GNAQ: variants seen among roughly 807,000 people sequenced by gnomAD.
GNAQ encodes guanine nucleotide-binding protein G(q) subunit alpha.
In GNAQ, 8 loss-of-function variants were observed where a neutral mutation model predicts 43.9. The observed-to-expected ratio is 0.18, with a 90% CI of 0.11 to 0.33. GNAQ has a LOEUF of 0.33. Among genes scored for constraint, GNAQ ranks in the 10% least tolerant of loss-of-function variants. GNAQ has a pLI of 1.00. For missense variants in GNAQ, 158 were observed against 450.8 expected (o/e 0.35, Z 5.88); for synonymous variants, 155 against 170.7 (o/e 0.91, Z 0.71).
chr9:77,761,312 G>A (rs1194312460), intron 5 of GNAQ, among the ~76,000 whole-genome samples: 4 of 133,180 alleles, frequency 3.0e-5, no homozygotes, highest in East Asian at 2.5e-4. Flanking sequence ...CGCCCCATCC[G>A]GGAGGGAGGT....
At chr9:77,763,121 A>T (rs1329984906) in intron 5 of GNAQ, among the ~76,000 whole-genome samples, 1 of 122,674 alleles carries the variant, frequency 8.2e-6, no homozygotes, top group African/African-American at 3.1e-5. Flanking sequence ...AAAAAACAAA[A>T]AAATAAACAA....
intron 2 of GNAQ, among the ~76,000 whole-genome samples, chr9:77,881,363 A>G (rs1215846204): frequency 6.6e-6 from 1 of 152,032 alleles, no homozygotes; most frequent in East Asian, 1.9e-4. Context: ...GAATAAATGA[A>G]AAGTGTCCCA....
chr9:77,862,385 T>C (rs1827868956), intron 2 of GNAQ, among the ~76,000 whole-genome samples: 1 of 152,160 alleles, frequency 6.6e-6, no homozygotes. Flanking sequence ...TCCTCTGAAA[T>C]CTAGGTGGAG....
At chr9:77,880,891 A>G (rs1288991906) in intron 2 of GNAQ, among the ~76,000 whole-genome samples, 1 of 152,148 alleles carries the variant, frequency 6.6e-6, no homozygotes, top group Non-Finnish European at 1.5e-5. Flanking sequence ...ACAGTGCTTT[A>G]GAGGACCACG....
chr9:78,014,717 C>T (rs1168800867), intron 1 of GNAQ, among the ~76,000 whole-genome samples: 4 of 152,084 alleles, frequency 2.6e-5, no homozygotes, highest in Admixed American at 6.6e-5. Flanking sequence ...AATAACGATG[C>T]TGAGTTCAAG....
At chr9:77,863,683 T>TA (rs34359030) in intron 2 of GNAQ, among the ~76,000 whole-genome samples, 104 of 151,688 alleles carry the variant, frequency 6.9e-4, no homozygotes, top group Middle Eastern at 3.4e-3. Flanking sequence ...TGGCCATTTA[T>TA]AAAAAAAAAG....
At chr9:77,878,844 G>A (rs1368967752) in intron 2 of GNAQ, among the ~76,000 whole-genome samples, 2 of 152,010 alleles carry the variant, frequency 1.3e-5, no homozygotes, top group African/African-American at 4.8e-5. Flanking sequence ...TCAGGAGTTC[G>A]AGACCAGCCT....
chr9:77,742,871 G>A (rs1296633695), intron 5 of GNAQ, among the ~76,000 whole-genome samples: 1 of 152,194 alleles, frequency 6.6e-6, no homozygotes, highest in Non-Finnish European at 1.5e-5. Flanking sequence ...AAATGCCAGT[G>A]ATTCTGTTGG....
intron 5 of GNAQ, among the ~76,000 whole-genome samples, chr9:77,740,170 G>A (rs1225647322): frequency 6.6e-6 from 1 of 152,198 alleles, no homozygotes. Context: ...TGATTCTTTG[G>A]CCAACATGAT....
chr9:77,996,361 G>C (rs2118536859), intron 1 of GNAQ, among the ~76,000 whole-genome samples: 1 of 152,326 alleles, frequency 6.6e-6, no homozygotes. Flanking sequence ...TAGTGTTACT[G>C]AAGTCATTTA....
At chr9:77,970,228 A>C (rs148813607) in intron 1 of GNAQ, among the ~76,000 whole-genome samples, 3,893 of 151,746 alleles carry the variant, frequency 0.026, 69 homozygotes, top group Middle Eastern at 0.062. Context: ...TCCACAAAAA[A>C]AAAAAAACAA....
chr9:77,947,553 C>G (rs1564160075), intron 1 of GNAQ, among the ~76,000 whole-genome samples: 1 of 152,208 alleles, frequency 6.6e-6, no homozygotes, highest in Non-Finnish European at 1.5e-5. Context: ...AAGCACTCAA[C>G]TGGTGTTCAA....
At chr9:78,030,885 C>G (rs990972107) in intron 1 of GNAQ, among the ~76,000 whole-genome samples, 1 of 121,198 alleles carries the variant, frequency 8.3e-6, no homozygotes, top group African/African-American at 3.7e-5. Context: ...GTGTGTGTGT[C>G]GCTGTGTGTG....
chr9:77,906,435 C>CT (rs1247799841), intron 2 of GNAQ, among the ~76,000 whole-genome samples: 1 of 152,168 alleles, frequency 6.6e-6, no homozygotes, highest in Admixed American at 6.5e-5. Flanking sequence ...ATTGAATAAT[C>CT]TTTATCAAAA....
At chr9:77,888,667 A>AGTC (rs1333677466) in intron 2 of GNAQ, among the ~76,000 whole-genome samples, 1 of 152,128 alleles carries the variant, frequency 6.6e-6, no homozygotes, top group African/African-American at 2.4e-5. Flanking sequence ...ATCCAGACTG[A>AGTC]GTCTGTTTAT....
chr9:77,821,062 T>C (rs1827105852), intron 2 of GNAQ, among the ~76,000 whole-genome samples: 1 of 152,212 alleles, frequency 6.6e-6, no homozygotes, highest in Non-Finnish European at 1.5e-5. Flanking sequence ...TTAAATACAA[T>C]GTTCTAGATT....
intron 5 of GNAQ, among the ~76,000 whole-genome samples, chr9:77,760,255 G>T (rs112882796): frequency 8.2e-6 from 1 of 122,020 alleles, no homozygotes; most frequent in Non-Finnish European, 1.9e-5. Context: ...CTCTGATGCC[G>T]AGCCGAAGCT....
intron 1 of GNAQ, among the ~76,000 whole-genome samples, chr9:77,973,796 C>T (rs570674532): frequency 1.3e-5 from 2 of 152,098 alleles, no homozygotes; most frequent in South Asian, 2.1e-4. Flanking sequence ...CCAGCCTGGG[C>T]GACAGAGTGA....
intron 5 of GNAQ, among the ~76,000 whole-genome samples, chr9:77,784,705 T>C (rs1197289478): frequency 6.6e-6 from 1 of 152,188 alleles, no homozygotes; most frequent in Non-Finnish European, 1.5e-5. Context: ...AGAAGTTATT[T>C]GAAAACAGTG....
Sources: gnomAD v4.1 joint callset for allele counts (sites outside exome capture counted in the v4.1 genomes callset) on GRCh38, gnomAD v4.1.1 for gene constraint, MANE v1.5 for transcripts, NCBI Gene and HGNC (gene_info 2026-07-23, HGNC 2026-07-21) for gene names.